The following BLTP1 variants were observed in gnomAD, a reference collection of about 807,000 sequenced individuals.
BLTP1 encodes fragile site-associated protein.
chr4:122,330,685 T>G, the BLTP1 span, among the ~76,000 whole-genome samples: 1 of 151,930 alleles, frequency 6.6e-6, no homozygotes, highest in African/African-American at 2.4e-5. Flanking sequence ...CCCTATTGTT[T>G]CCATTGCTTT....
At chr4:122,325,273 G>A in the BLTP1 span, 1 of 1,609,560 alleles carries the variant, frequency 6.2e-7, no homozygotes, top group African/African-American at 1.3e-5. Context: ...AATCCGTGTG[G>A]ATGCAGCATC....
the BLTP1 span, among the ~76,000 whole-genome samples, chr4:122,357,447 C>T: frequency 6.6e-6 from 1 of 151,792 alleles, no homozygotes; most frequent in African/African-American, 2.4e-5. Flanking sequence ...CCTGTAGTCC[C>T]CAGCTACTCG....
At chr4:122,233,494 T>C in the BLTP1 span, among the ~76,000 whole-genome samples, 4 of 152,160 alleles carry the variant, frequency 2.6e-5, no homozygotes, top group African/African-American at 2.4e-5. Flanking sequence ...GGAAATGAAG[T>C]AAAAAAAGTC....
At chr4:122,154,238 C>A in the BLTP1 span, 13 of 845,418 alleles carry the variant, frequency 1.5e-5, no homozygotes, top group African/African-American at 2.8e-4. Context: ...TGCAGTGGTG[C>A]GATCTTGGCT....
chr4:122,220,296 T>C, the BLTP1 span: 2 of 1,601,354 alleles, frequency 1.2e-6, no homozygotes, highest in Non-Finnish European at 1.7e-6. Context: ...TTTTTGCCTT[T>C]TCTGCATTTC....
the BLTP1 span, chr4:122,204,798 A>G: frequency 1.4e-6 from 1 of 724,232 alleles, no homozygotes; most frequent in Non-Finnish European, 1.7e-6. Flanking sequence ...AAGCAGGGAT[A>G]GAGTCAGCCT....
the BLTP1 span, chr4:122,282,127 CA>C: frequency 1.0e-6 from 1 of 971,450 alleles, no homozygotes; most frequent in Non-Finnish European, 1.2e-6. Flanking sequence ...TAGCTCAAAT[CA>C]GGGGTCATTT....
At chr4:122,201,786 A>G in the BLTP1 span, 4 of 831,250 alleles carry the variant, frequency 4.8e-6, no homozygotes, top group Non-Finnish European at 5.8e-6. Context: ...TGGCTGTTCC[A>G]CAGAAACCTA....
At chr4:122,291,476 G>C in the BLTP1 span, among the ~76,000 whole-genome samples, 1 of 152,038 alleles carries the variant, frequency 6.6e-6, no homozygotes, top group Non-Finnish European at 1.5e-5. Context: ...TATTCTTCAT[G>C]ATTTTCCATC....
the BLTP1 span, chr4:122,258,933 C>A: frequency 1.5e-6 from 1 of 677,950 alleles, no homozygotes; most frequent in East Asian, 2.9e-5. Flanking sequence ...GGTGTCCACC[C>A]TAAATATTCA....
At chr4:122,173,438 C>T in the BLTP1 span, among the ~76,000 whole-genome samples, 30 of 152,268 alleles carry the variant, frequency 2.0e-4, no homozygotes, top group African/African-American at 6.7e-4. Context: ...TGTAAAGCCA[C>T]TGATGTCCCA....
the BLTP1 span, chr4:122,362,256 TTTGA>T: frequency 4.4e-6 from 7 of 1,606,106 alleles, no homozygotes; most frequent in African/African-American, 9.4e-5. Context: ...AAAAAAGTAA[TTTGA>T]TCTGTGAACA....
the BLTP1 span, chr4:122,356,982 T>C: frequency 1.2e-5 from 12 of 983,102 alleles, no homozygotes; most frequent in Middle Eastern, 5.2e-4. Flanking sequence ...ATACATTATC[T>C]TATGTACATT....
the BLTP1 span, among the ~76,000 whole-genome samples, chr4:122,274,880 A>T: frequency 3.3e-5 from 5 of 152,146 alleles, no homozygotes; most frequent in African/African-American, 1.2e-4. Context: ...ATAATATTTT[A>T]AAAATCTGAA....
chr4:122,296,108 G>A, the BLTP1 span, among the ~76,000 whole-genome samples: 1 of 152,034 alleles, frequency 6.6e-6, no homozygotes, highest in Non-Finnish European at 1.5e-5. Flanking sequence ...GAGAAAGAAA[G>A]TGTATACAAA....
At chr4:122,333,811 T>G in the BLTP1 span, 1 of 1,607,084 alleles carries the variant, frequency 6.2e-7, no homozygotes, top group Non-Finnish European at 8.5e-7. Context: ...GATGTAAAGG[T>G]AAAAACCCAA....
the BLTP1 span, chr4:122,240,451 C>G: frequency 9.7e-7 from 1 of 1,033,188 alleles, no homozygotes; most frequent in South Asian, 1.6e-5. Flanking sequence ...TTTTAGCTAC[C>G]TTTCTGAGAG....
chr4:122,271,069 G>A, the BLTP1 span: 2 of 1,613,536 alleles, frequency 1.2e-6, no homozygotes, highest in Non-Finnish European at 1.7e-6. Flanking sequence ...CATTAATGTT[G>A]GGAACCTTTA....
chr4:122,315,411 C>T, the BLTP1 span: 1 of 1,604,646 alleles, frequency 6.2e-7, no homozygotes, highest in Non-Finnish European at 8.5e-7. Flanking sequence ...AAAGTTATTT[C>T]AATTTCTATA....
Sources: gnomAD v4.1 joint callset for allele counts (sites outside exome capture counted in the v4.1 genomes callset) on GRCh38, gnomAD v4.1.1 for gene constraint, MANE v1.5 for transcripts, NCBI Gene and HGNC (gene_info 2026-07-23, HGNC 2026-07-21) for gene names.